RFTN1: variants seen among roughly 807,000 people sequenced by gnomAD.
RFTN1 encodes the protein raftlin.
RFTN1 carries 26 observed loss-of-function variants against 46.5 expected under a neutral mutation model. That is an observed-to-expected ratio of 0.56 (90% CI 0.41 to 0.78). The LOEUF (loss-of-function observed/expected upper bound fraction) is 0.78, where lower values mean the gene tolerates loss of function less well. Among genes scored for constraint, RFTN1 ranks in the 30% least tolerant of loss-of-function variants. RFTN1 has a pLI of 0.00. For missense variants in RFTN1, 693 were observed against 718.7 expected (o/e 0.96, Z 0.41); for synonymous variants, 261 against 284.2 (o/e 0.92, Z 0.82).
rs2069094403 is a variant in RFTN1 at position 16,321,849 on chromosome 3, A to C, written c.1332+1527T>G. 6.6e-6 allele frequency among the ~76,000 whole-genome samples: 1 copy of C among 152,152 alleles called. No homozygotes were observed. The highest frequency in any genetic ancestry group is 2.4e-5 in the African/African-American group (1 of 41,428). On this transcript the variant is annotated intron_variant, in intron 9 of 9. Transcript: ENST00000334133. This position sits in a 1 kb window ranked among gnomAD's most constrained non-coding sequence, Gnocchi z 4.8. ...TTATTACAGCAGCTTTTACAAATCT[A>C]TCTCTAAAGTCTCCCTGCCGACTCA...
rs899105605 is a variant in RFTN1 at position 16,329,382 on chromosome 3, G to A, written c.1147-2506C>T. ...AAGAGGAAACTTAATAAAGGAAGGC[G>A]GAAGGGAGGAGGGAAGGGAGGAAAG... is the stretch of plus-strand genomic sequence containing the variant. On this transcript the variant is annotated intron_variant, in intron 7 of 9. Transcript: ENST00000334133. This position sits in a 1 kb window ranked among gnomAD's most constrained non-coding sequence, Gnocchi z 4.5. Among the ~76,000 whole-genome samples, 27 of 152,106 alleles carry A rather than the reference G, an allele frequency of 1.8e-4. No individual in the cohort carries two copies. Among genetic ancestry groups the A allele is most frequent in the Non-Finnish European group, 2.6e-4 (18 of 68,002 alleles).
Position 16,344,846 on chromosome 3 carries a change from A to C in RFTN1, c.1146+13086T>G, listed in dbSNP as rs2071534818. Among the ~76,000 whole-genome samples the C allele has an allele frequency of 6.6e-6, 1 of 152,238 alleles. No homozygotes were observed. The highest frequency in any genetic ancestry group is 1.5e-5 in the Non-Finnish European group (1 of 68,044). ...CAAAGAACATATTTCAAGGAGTGGT[A>C]GTGAGTGAACACATAACTACAAGAA... On this transcript the variant is annotated intron_variant, in intron 7 of 9. Transcript: ENST00000334133. This position sits in a 1 kb window ranked among gnomAD's most constrained non-coding sequence, Gnocchi z 4.4.
intron 2 of RFTN1, 38 bp downstream of exon 2, chr3:16,493,687 C>T: frequency 4.5e-6 from 7 of 1,572,512 alleles, no homozygotes; most frequent in East Asian, 2.3e-5. Flanking sequence ...TGCTGGAGAC[C>T]CCACCTGCCC....
intron 6 of RFTN1, among the ~76,000 whole-genome samples, chr3:16,359,103 C>CT (rs1242342664): frequency 1.3e-5 from 2 of 151,492 alleles, no homozygotes; most frequent in Non-Finnish European, 2.9e-5. Context: ...AGGGAAGCAC[C>CT]TTTTGCCCCT....
rs2075948373 is a variant in RFTN1, at chr3:16,458,288, G to A, written c.146-24251C>T. Among the ~76,000 whole-genome samples, 3 of 152,280 alleles carry A rather than the reference G, an allele frequency of 2.0e-5. No homozygotes were observed. The highest frequency in any genetic ancestry group is 1.3e-4 in the Admixed American group (2 of 15,306). On this transcript the variant is annotated intron_variant, in intron 2 of 9. Coordinates refer to ENST00000334133, the MANE Select transcript of RFTN1 (RefSeq NM_015150.2). The surrounding 1 kb of genome is among the most constrained non-coding windows in gnomAD (Gnocchi z 5.1). ...GTACAAAGCCAGCAGGGGCAAGCAT[G>A]GAAATAGATTGCTGCAGCATGTTCT...
intron 6 of RFTN1, among the ~76,000 whole-genome samples, chr3:16,360,513 T>C (rs2072762220): frequency 6.6e-6 from 1 of 152,222 alleles, no homozygotes; most frequent in Admixed American, 6.5e-5. Flanking sequence ...GGTAAAGGTA[T>C]GGTGATATGC....
intron 2 of RFTN1, among the ~76,000 whole-genome samples, chr3:16,436,763 T>C (rs545282308): frequency 1.1e-4 from 16 of 152,374 alleles, no homozygotes; most frequent in African/African-American, 3.8e-4. Context: ...TATGAGTTTA[T>C]GACTGTGATC....
chr3:16,364,416 G>A (rs898936873), intron 6 of RFTN1, among the ~76,000 whole-genome samples: 8 of 152,156 alleles, frequency 5.3e-5, no homozygotes, highest in Non-Finnish European at 7.4e-5. Context: ...AAACCTACTC[G>A]TTTTCCACAG....
rs1040034467 is a variant in RFTN1, at chr3:16,480,776, C to T, written c.145+12949G>A. On this transcript the variant is annotated intron_variant, in intron 2 of 9. Transcript: ENST00000334133. The surrounding 1 kb of genome is among the most constrained non-coding windows in gnomAD (Gnocchi z 4.3). ...ATTGCTAATAATAATTAGTAGGGTG[C>T]ATAGAATATTAACTTGTTTTCTGTT... is the stretch of plus-strand genomic sequence containing the variant. Among the ~76,000 whole-genome samples the T allele has an allele frequency of 6.6e-6, 1 of 152,138 alleles. No homozygotes were observed. Among genetic ancestry groups the T allele is most frequent in the East Asian group, 1.9e-4 (1 of 5,204 alleles).
chr3:16,406,657 A>G (rs879828559), intron 4 of RFTN1, among the ~76,000 whole-genome samples: 8 of 152,246 alleles, frequency 5.3e-5, no homozygotes, highest in African/African-American at 1.4e-4. Flanking sequence ...AATTCTTACT[A>G]TAAGTCTTCA....
At chr3:16,490,065 G>A (rs962332256) in intron 2 of RFTN1, among the ~76,000 whole-genome samples, 22 of 152,208 alleles carry the variant, frequency 1.4e-4, no homozygotes, top group African/African-American at 5.3e-4. Context: ...GAGACCGCCA[G>A]GGAAAGGAGT....
chr3:16,420,341 A>G (rs1168141845), intron 3 of RFTN1, among the ~76,000 whole-genome samples: 5 of 152,224 alleles, frequency 3.3e-5, no homozygotes, highest in East Asian at 1.9e-4. Flanking sequence ...ATTAGTAGCG[A>G]TGCATAATTA....
At chr3:16,416,262 A>G (rs544338391) in intron 3 of RFTN1, 15 of 454,284 alleles carry the variant, frequency 3.3e-5, no homozygotes, top group Non-Finnish European at 6.6e-5. Context: ...CTTAGAGTGT[A>G]GCAACATAGT....
At chr3:16,363,835 CT>C (rs1464804261) in intron 6 of RFTN1, among the ~76,000 whole-genome samples, 4 of 44,120 alleles carry the variant, frequency 9.1e-5, no homozygotes, top group Non-Finnish European at 1.4e-4. Flanking sequence ...ACAGCACCAC[CT>C]TGATTCCAGG....
At chr3:16,368,009 G>T (rs1450368957) in intron 6 of RFTN1, among the ~76,000 whole-genome samples, 1 of 152,092 alleles carries the variant, frequency 6.6e-6, no homozygotes, top group Non-Finnish European at 1.5e-5. Flanking sequence ...CTAACCATCA[G>T]TTTCCTAGGG....
At position 16,337,754 on chromosome 3, in the gene RFTN1, A is replaced by AG. The variant is rs2071001918; in HGVS notation, c.1147-10879_1147-10878insC. Among the ~76,000 whole-genome samples, 1 of 151,828 alleles carries AG rather than the reference A, an allele frequency of 6.6e-6. No individual in the cohort carries two copies. The highest frequency in any genetic ancestry group is 6.6e-5 in the Admixed American group (1 of 15,256). On this transcript the variant is annotated intron_variant, in intron 7 of 9. Coordinates refer to ENST00000334133, the MANE Select transcript of RFTN1 (RefSeq NM_015150.2). The surrounding 1 kb of genome is among the most constrained non-coding windows in gnomAD (Gnocchi z 5.0). ...AGACTCCATCTCAAAAAAAAAAAAA[A>AG]AAAGAAAAGAAAGTCACCTCATTTG...
Position 16,457,935 on chromosome 3 carries a change from C to A in RFTN1, c.146-23898G>T, listed in dbSNP as rs867572682. 6.6e-6 allele frequency among the ~76,000 whole-genome samples: 1 copy of A among 152,114 alleles called. No individual in the cohort carries two copies. The highest frequency in any genetic ancestry group is 1.9e-4 in the East Asian group (1 of 5,190). ...AAGGGTTTCACAGACAGAGTTTGGT[C>A]CTTTTTGCCTTCTGCCTTCCACCAT... On this transcript the variant is annotated intron_variant, in intron 2 of 9. Coordinates refer to ENST00000334133, the MANE Select transcript of RFTN1 (RefSeq NM_015150.2). This position sits in a 1 kb window ranked among gnomAD's most constrained non-coding sequence, Gnocchi z 4.2.
rs78912073 is a variant in RFTN1, at chr3:16,327,477, C to G, written c.1147-601G>C. On this transcript the variant is annotated intron_variant, in intron 7 of 9. Coordinates refer to ENST00000334133, the MANE Select transcript of RFTN1 (RefSeq NM_015150.2). The surrounding 1 kb of genome is among the most constrained non-coding windows in gnomAD (Gnocchi z 4.2). ...GTCTTTCAGTTAAAAAACTCAGCCCCGGCCGGGTGCTGTGGCTCACGTCTG... is the reference window on the plus strand; with the variant it reads ...GTCTTTCAGTTAAAAAACTCAGCCCGGGCCGGGTGCTGTGGCTCACGTCTG... 6.6e-6 allele frequency among the ~76,000 whole-genome samples: 1 copy of G among 152,120 alleles called. No individual in the cohort carries two copies. Among genetic ancestry groups the G allele is most frequent in the Non-Finnish European group, 1.5e-5 (1 of 68,016 alleles).
chr3:16,432,741 T>C (rs974889256), intron 3 of RFTN1, among the ~76,000 whole-genome samples: 2 of 151,912 alleles, frequency 1.3e-5, no homozygotes, highest in African/African-American at 4.8e-5. Context: ...CTGAGAAAAG[T>C]CTTGCCCTAC....
Sources: gnomAD v4.1 joint callset for allele counts (sites outside exome capture counted in the v4.1 genomes callset) on GRCh38, gnomAD v4.1.1 for gene constraint, Gnocchi (gnomAD v3.1) non-coding constraint, MANE v1.5 for transcripts, NCBI Gene and HGNC (gene_info 2026-07-23, HGNC 2026-07-21) for gene names.